The following PDC variants were observed in gnomAD, a reference collection of about 807,000 sequenced individuals.
The protein encoded by PDC is 33 kDa phototransducing protein.
Under a neutral mutation model 22.2 loss-of-function variants are expected in PDC, and 19 were observed. The ratio of observed to expected loss-of-function variants is 0.86; its 90% CI spans 0.60 to 1.26. PDC has a LOEUF of 1.26. Among genes scored for constraint, PDC ranks in the 50% most tolerant of loss-of-function variants. The pLI is 0.00. For synonymous variants in PDC, 97 were observed against 96.2 expected (o/e 1.01, Z -0.05); for missense variants, 274 against 286.8 (o/e 0.96, Z 0.32).
chr1:186,455,971 C>CAAA (rs1213649798), intron 1 of PDC, among the ~76,000 whole-genome samples: 121 of 8,646 alleles, frequency 0.014, 20 homozygotes, highest in South Asian at 0.025. Context: ...GACTCCGTCT[C>CAAA]AAAAAAAAAA....
chr1:186,446,401 A>G (rs754553437), intron 3 of PDC, 25 bp downstream of exon 3: 2 of 1,520,456 alleles, frequency 1.3e-6, no homozygotes, highest in South Asian at 1.2e-5. Context: ...TAAATTATTT[A>G]TTACTGCTTT....
chr1:186,456,723 G>A (rs1007126718), intron 1 of PDC, among the ~76,000 whole-genome samples: 1 of 152,184 alleles, frequency 6.6e-6, no homozygotes, highest in African/African-American at 2.4e-5. Context: ...ATAAGAAACT[G>A]TTTCAGAGAA....
chr1:186,448,588 C>T, intron 2 of PDC: 1 of 418,522 alleles, frequency 2.4e-6, no homozygotes, highest in African/African-American at 2.2e-5. Flanking sequence ...TCCCTTCATC[C>T]ATCCATCCTT....
chr1:186,448,876 T>A (rs929118278), intron 2 of PDC, among the ~76,000 whole-genome samples: 2 of 152,100 alleles, frequency 1.3e-5, no homozygotes, highest in African/African-American at 4.8e-5. Context: ...AGGAGTGGCA[T>A]ATAGATAGCC....
chr1:186,457,129 A>T (rs942954073), intron 1 of PDC, among the ~76,000 whole-genome samples: 1 of 152,158 alleles, frequency 6.6e-6, no homozygotes, highest in Non-Finnish European at 1.5e-5. Context: ...AGCTAATCTG[A>T]TCAACTAAGC....
chr1:186,448,972 C>A (rs1662292544), intron 2 of PDC, among the ~76,000 whole-genome samples: 1 of 151,378 alleles, frequency 6.6e-6, no homozygotes, highest in Non-Finnish European at 1.5e-5. Flanking sequence ...TTTATTTATT[C>A]AAAAAAATAA....
At position 186,444,627 on chromosome 1, in the gene PDC, C is replaced by T. The variant is rs938416198; in HGVS notation, c.214-121G>A. On this transcript the variant is annotated intron_variant, in intron 3 of 3. Coordinates refer to ENST00000391997, the MANE Select transcript of PDC (RefSeq NM_002597.5). ...TTTTTTTTCTGCCTGGACCACCTAC[C>T]TTTCACTCCTGATGTGCCTTTCTCT... The T allele has an allele frequency of 1.1e-5, 7 of 623,800 alleles. No homozygotes were observed. In the Admixed American group the frequency reaches 2.1e-4, roughly 19 times the overall value. The allele number at this position is 623,800 out of a possible 1,614,324, so 38.6% of individuals were successfully genotyped here.
At chr1:186,459,750 GTGTATATATATA>G (rs144056306) in intron 1 of PDC, among the ~76,000 whole-genome samples, 20,195 of 68,556 alleles carry the variant, frequency 0.29, 1,592 homozygotes, top group Middle Eastern at 0.41. Context: ...ATGTGTGTGT[GTGTATATATATA>G]TATATATATA....
chr1:186,460,449 G>T (rs932256384), intron 1 of PDC, among the ~76,000 whole-genome samples: 4 of 152,118 alleles, frequency 2.6e-5, no homozygotes, highest in African/African-American at 9.7e-5. Context: ...GTCCCAAAGC[G>T]CAAGTGTTGT....
intron 1 of PDC, among the ~76,000 whole-genome samples, chr1:186,455,983 AAAAAAAAAAAAATATATATATAT>A (rs1387875770): frequency 1.1e-5 from 1 of 93,618 alleles, no homozygotes; most frequent in Non-Finnish European, 2.0e-5. Context: ...AAAAAAAAAA[AAAAAAAAAAAAATATATATATAT>A]ATATATATAT....
rs143253023 is a variant in PDC at position 186,444,229 on chromosome 1, A to G, written c.491T>C (p.Ile164Thr). 22 of 1,613,966 alleles carry G rather than the reference A, an allele frequency of 1.4e-5. No individual in the cohort carries two copies. The African/African-American group carries it at 2.1e-4, about 16-fold the overall frequency. Residue 164 changes from isoleucine (I) to threonine (T), a missense_variant, in exon 4 of 4, where the codon ATA (isoleucine) becomes ACA (threonine). By Grantham distance (89) the Ile-to-Thr change is moderately conservative. Coordinates refer to ENST00000391997, the MANE Select transcript of PDC (RefSeq NM_002597.5). Reference sequence around the variant, plus strand: ...AGCTTTTATTTTACAAAACTTAACTATAGGGTATTCTGCTGCAAGGCATGT... The same window carrying G: ...AGCTTTTATTTTACAAAACTTAACTGTAGGGTATTCTGCTGCAAGGCATGT... ...SLTCLAAEYP[I>T]VKFCKIKASN...
At chr1:186,449,292 A>G (rs949955791) in intron 2 of PDC, 107 bp downstream of exon 2, 3 of 505,258 alleles carry the variant, frequency 5.9e-6, no homozygotes, top group African/African-American at 3.9e-5. Context: ...AACAATTTAT[A>G]TAAAGATATT....
chr1:186,449,147 T>C (rs1265193738), intron 2 of PDC, among the ~76,000 whole-genome samples: 1 of 151,774 alleles, frequency 6.6e-6, no homozygotes, highest in African/African-American at 2.4e-5. Flanking sequence ...AGAGGTCTTG[T>C]GATAGCTGGG....
Position 186,444,243 on chromosome 1 carries a change from T to A in PDC, c.477A>T (p.Ala159=). The A allele has an allele frequency of 6.2e-7, 1 of 1,614,142 alleles. No homozygotes were observed. The highest frequency in any genetic ancestry group is 8.5e-7 in the Non-Finnish European group (1 of 1,179,990). ...DALNSSLTCL[A]AEYPIVKFCK... is the part of the protein sequence containing the mutation. ...AAAACTTAACTATAGGGTATTCTGCTGCAAGGCATGTTAAACTACTGTTTA... is the reference window on the plus strand; with the variant it reads ...AAAACTTAACTATAGGGTATTCTGCAGCAAGGCATGTTAAACTACTGTTTA... The change falls in exon 4 of 4, where the codon GCA becomes GCT. Residue 159 remains alanine (A), a synonymous_variant. Transcript: ENST00000391997.
chr1:186,458,226 CTTTTTTTTT>C (rs1157926478), intron 1 of PDC, among the ~76,000 whole-genome samples: 32 of 88,416 alleles, frequency 3.6e-4, no homozygotes, highest in Admixed American at 2.7e-4. Flanking sequence ...TACAGATATT[CTTTTTTTTT>C]TTTTTTTTTT....
intron 1 of PDC, among the ~76,000 whole-genome samples, chr1:186,454,085 A>C (rs1662403718): frequency 6.6e-6 from 1 of 152,016 alleles, no homozygotes; most frequent in Non-Finnish European, 1.5e-5. Context: ...ACTTATTTGA[A>C]TGATATATTT....
intron 2 of PDC, chr1:186,448,642 T>A: frequency 1.1e-6 from 1 of 907,338 alleles, no homozygotes. Context: ...TCTTCAATGG[T>A]CTTTTTGTTG....
chr1:186,446,650 G>T, intron 2 of PDC, 73 bp from the exon 3 acceptor site: 1 of 878,736 alleles, frequency 1.1e-6, no homozygotes, highest in Non-Finnish European at 1.7e-6. Context: ...TGAAATTTGT[G>T]TAAGTATTGT....
rs1662178179 is a variant in PDC at position 186,444,455 on chromosome 1, A to G, written c.265T>C (p.Cys89Arg). 3 of 1,610,964 alleles carry G rather than the reference A, an allele frequency of 1.9e-6. No homozygotes were observed. Among genetic ancestry groups the G allele is most frequent in the Non-Finnish European group, 2.5e-6 (3 of 1,177,292 alleles). ...LIHKEKEDEN[C>R]LRKYRRQCMQ... ...CACTGTCTACGGTATTTACGAAGGC[A>G]GTTTTCATCCTCTTTCTCTTTATGG... Residue 89 changes from cysteine (C) to arginine (R), a missense_variant, in exon 4 of 4, where the codon TGC becomes CGC. Transcript: ENST00000391997.
Sources: gnomAD v4.1 joint callset for allele counts (sites outside exome capture counted in the v4.1 genomes callset) on GRCh38, gnomAD v4.1.1 for gene constraint, MANE v1.5 for transcripts, NCBI Gene and HGNC (gene_info 2026-07-23, HGNC 2026-07-21) for gene names.